The following ZAN variants were observed in gnomAD, a reference collection of about 807,000 sequenced individuals.
The protein encoded by ZAN is zonadhesin (gene/pseudogene).
In ZAN, 260 loss-of-function variants were observed where a neutral mutation model predicts 286.2. The observed-to-expected ratio is 0.91, with a 90% CI of 0.82 to 1.01. ZAN has a LOEUF of 1.01. Among genes scored for constraint, ZAN ranks in the 50% least tolerant of loss-of-function variants. The pLI is 0.00. For synonymous variants in ZAN, 1,368 were observed against 1,417.5 expected (o/e 0.97, Z 0.79); for missense variants, 3,410 against 3,639.2 (o/e 0.94, Z 1.62).
intron 12 of ZAN, 90 bp downstream of exon 12, chr7:100,750,986 A>G (rs1288186632): frequency 6.7e-7 from 1 of 1,495,778 alleles, no homozygotes; most frequent in Non-Finnish European, 8.9e-7. Flanking sequence ...AAGAGGTGGA[A>G]AGCTGGAAAG....
chr7:100,765,372 A>G lies in ZAN; in HGVS notation c.4288A>G (p.Ser1430Gly). 1 of 1,613,914 alleles carries G rather than the reference A, an allele frequency of 6.2e-7. No individual in the cohort carries two copies. ...ACCAGCAATGGCCTGCCCGCCCAACAGCAAGTACTCCCTGTGTGCGAAGCC... is the reference window on the plus strand; with the variant it reads ...ACCAGCAATGGCCTGCCCGCCCAACGGCAAGTACTCCCTGTGTGCGAAGCC... ...HFCPMACPPN[S>G]KYSLCAKPCP... is the part of the protein sequence containing the mutation. Residue 1430 changes from serine to glycine, a missense_variant, in exon 23 of 48, where the codon AGC becomes GGC. Ser to Gly is a moderately conservative substitution (Grantham distance 56). This residue lies in a region of ZAN where 1,042 missense variants were observed against 1,058.0 expected (regional missense o/e 0.98). Transcript: ENST00000613979.
At chr7:100,773,619 G>A (rs1393012154) in intron 30 of ZAN, 102 bp from the exon 31 acceptor site, 1 of 1,540,140 alleles carries the variant, frequency 6.5e-7, no homozygotes, top group Non-Finnish European at 8.8e-7. Flanking sequence ...AGGCTGGGGG[G>A]CGAGGAGGAA....
chr7:100,759,885 A>C, intron 18 of ZAN, 40 bp downstream of exon 18: 1 of 1,596,570 alleles, frequency 6.3e-7, no homozygotes, highest in South Asian at 1.1e-5. Context: ...GCAGGGTCTG[A>C]CTGTGTGTCC....
chr7:100,771,684 G>A (rs1235952808), intron 28 of ZAN, among the ~76,000 whole-genome samples, 160 bp from the exon 29 acceptor site: 4 of 151,994 alleles, frequency 2.6e-5, no homozygotes, highest in Admixed American at 1.3e-4. Context: ...TGCCCACCTC[G>A]GCCTCCCAAA....
rs1810904503 is a variant in ZAN at position 100,777,542 on chromosome 7, G to A, written c.6317+978G>A. Among the ~76,000 whole-genome samples, 6 of 151,842 alleles carry A rather than the reference G, an allele frequency of 4.0e-5. No individual in the cohort carries two copies. The South Asian group carries it at 1.2e-3, about 32-fold the overall frequency. ...ACGTCTGGCTAATTTGTGTATTTTA[G>A]GTAGAGACGGAGTTTCATCATGTTG... is the stretch of plus-strand genomic sequence containing the variant. On this transcript the variant is annotated intron_variant, in intron 34 of 47. Coordinates refer to ENST00000613979, the MANE Select transcript of ZAN (RefSeq NM_003386.3).
chr7:100,770,643 T>C (rs576563715), intron 28 of ZAN, among the ~76,000 whole-genome samples: 3 of 151,310 alleles, frequency 2.0e-5, no homozygotes, highest in African/African-American at 7.3e-5. Context: ...CCACCACGCC[T>C]GGCCGTTTTT....
At chr7:100,779,881 A>C in intron 35 of ZAN, 131 bp downstream of exon 35, 2 of 1,040,252 alleles carry the variant, frequency 1.9e-6, no homozygotes, top group South Asian at 5.0e-5. Context: ...TTTGACAAGG[A>C]CTATTTTTTA....
intron 11 of ZAN, among the ~76,000 whole-genome samples, chr7:100,749,467 C>T (rs1351440359): frequency 2.6e-4 from 39 of 150,842 alleles, no homozygotes; most frequent in South Asian, 1.3e-3. Flanking sequence ...GGTGAAACCC[C>T]GTCCCTACTA....
At chr7:100,757,776 AAAACAGAC>A (rs1218445428) in intron 15 of ZAN, among the ~76,000 whole-genome samples, 1 of 142,332 alleles carries the variant, frequency 7.0e-6, no homozygotes, top group Non-Finnish European at 1.5e-5. Flanking sequence ...AAAAAACAAA[AAAACAGAC>A]AGACATAAGG....
intron 23 of ZAN, among the ~76,000 whole-genome samples, chr7:100,766,273 C>T (rs117596215): frequency 0.014 from 2,076 of 152,298 alleles, 95 homozygotes; most frequent in South Asian, 0.13. Context: ...AGGCGTGAGC[C>T]GCCACACCTG....
Position 100,734,143 on chromosome 7 carries a change from C to G in ZAN, c.-26C>G, listed in dbSNP as rs543402314. ...TCCCAACTGTGCCCTTCCCCTCTCC[C>G]CTGGGAGCAACCACTTAGGGTCCTC... is the stretch of plus-strand genomic sequence containing the variant. On this transcript the variant is annotated 5_prime_UTR_variant, in exon 2 of 48. Transcript: ENST00000613979. 22 of 1,428,114 alleles carry G rather than the reference C, an allele frequency of 1.5e-5. 4 individuals are homozygous for G. The East Asian group carries it at 4.8e-4, about 31-fold the overall frequency. The allele number at this position is 1,428,114 out of a possible 1,614,324, so 88.5% of individuals were successfully genotyped here. A position where few individuals can be genotyped will look rare whatever the true frequency, so the allele number is the denominator to read the frequency against.
rs774164309 is a variant in ZAN, at chr7:100,751,745, CAG to C, written c.1641_1642del (p.Val548PhefsTer7). ...CTACCAGAGCTTCCTCCCGTATCTC[CAG>C]TTTCTTCCACTGGCCCTTCTGAAAC... On this transcript the variant is annotated frameshift_variant, in exon 14 of 48. Transcript: ENST00000613979. LOFTEE classifies it high-confidence loss of function. 1.0e-5 allele frequency: 16 copies of C among 1,593,352 alleles called. No homozygotes were observed. Among genetic ancestry groups the C allele is most frequent in the Non-Finnish European group, 8.5e-7 (1 of 1,174,760 alleles).
At chr7:100,740,129 C>T (rs1240319096) in intron 7 of ZAN, among the ~76,000 whole-genome samples, 1 of 139,932 alleles carries the variant, frequency 7.1e-6, no homozygotes, top group Non-Finnish European at 1.6e-5. Context: ...GATCAAGGCA[C>T]AGCAAAGAGC....
rs957180753 is a variant in ZAN, at chr7:100,767,312, C to G, written c.4860+55C>G. The G allele has an allele frequency of 2.0e-5, 32 of 1,563,138 alleles. No homozygotes were observed. In the East Asian group the frequency reaches 6.7e-4, roughly 33 times the overall value. ...CTGAACACCCAGCCTGCTTGCTTCTCTCCTGTGCCCCTCCTTGCCCGGATG... is the reference window on the plus strand; with the variant it reads ...CTGAACACCCAGCCTGCTTGCTTCTGTCCTGTGCCCCTCCTTGCCCGGATG... On this transcript the variant is annotated intron_variant, in intron 25 of 47. Transcript: ENST00000613979.
rs867398671 is a variant in ZAN at position 100,738,332 on chromosome 7, C to T, written c.614-129C>T. The T allele has an allele frequency of 1.4e-4, 128 of 886,530 alleles. 7 individuals are homozygous for T. The South Asian group carries it at 1.6e-3, about 11-fold the overall frequency. 54.9% of individuals were successfully genotyped at this position (886,530 alleles called of 1,614,324 possible). A position where few individuals can be genotyped will look rare whatever the true frequency, so the allele number is the denominator to read the frequency against. Reference sequence around the variant, plus strand: ...ACTTGAGAGGTTGAGGTGGGAGGACCGCTTGAGTCCAGGAGTTCGAGGCCG... The same window carrying T: ...ACTTGAGAGGTTGAGGTGGGAGGACTGCTTGAGTCCAGGAGTTCGAGGCCG... On this transcript the variant is annotated intron_variant, in intron 6 of 47. Transcript: ENST00000613979.
rs866440771 is a variant in ZAN, at chr7:100,736,265, G to A, written c.107-218G>A. Among the ~76,000 whole-genome samples, 6 of 142,278 alleles carry A rather than the reference G, an allele frequency of 4.2e-5. 1 individual carries two copies. In the East Asian group the frequency reaches 8.1e-4, roughly 19 times the overall value. 93.3% of individuals were successfully genotyped at this position (142,278 alleles called of 152,430 possible). On this transcript the variant is annotated intron_variant, in intron 3 of 47. Coordinates refer to ENST00000613979, the MANE Select transcript of ZAN (RefSeq NM_003386.3). ...GTCCCTCAGGCTGGAGTGCAGTGGC[G>A]CGATCTTGGCTCACTGCAAAGTCCG...
At chr7:100,751,078 G>A (rs1177422679) in intron 12 of ZAN, 104 bp from the exon 13 acceptor site, 1 of 1,348,584 alleles carries the variant, frequency 7.4e-7, no homozygotes, top group Non-Finnish European at 1.0e-6. Context: ...GCTGGAACAA[G>A]GCGACATTTT....
chr7:100,750,140 CCTTT>C (rs1414463648), intron 11 of ZAN, among the ~76,000 whole-genome samples: 1 of 148,092 alleles, frequency 6.8e-6, no homozygotes, highest in Non-Finnish European at 1.5e-5. Flanking sequence ...TTTGTTATTC[CCTTT>C]TTTTCTTTTT....
In ZAN at chr7:100,761,187, C is replaced by T. The variant is rs566145484; in HGVS notation, c.3842+651C>T. Among the ~76,000 whole-genome samples, 18 of 152,168 alleles carry T rather than the reference C, an allele frequency of 1.2e-4. No homozygotes were observed. The South Asian group carries it at 2.7e-3, about 23-fold the overall frequency. On this transcript the variant is annotated intron_variant, in intron 19 of 47. Transcript: ENST00000613979. The stretch of plus-strand genomic sequence containing the variant: ...GGAATTACAGGGGAGCCACTGTGCC[C>T]GGCGAAAGAAAGACTTTATAAAAAT...
Sources: allele counts gnomAD v4.1 joint callset (sites outside exome capture counted in the v4.1 genomes callset), GRCh38; gene constraint gnomAD v4.1.1; regional missense constraint gnomAD v4.1.1; transcripts MANE v1.5; gene names NCBI Gene and HGNC (gene_info 2026-07-23, HGNC 2026-07-21).